The following SAMD5 variants were observed in gnomAD, a reference collection of about 807,000 sequenced individuals.
SAMD5 encodes sterile alpha motif domain-containing protein 5.
Under a neutral mutation model 11.3 loss-of-function variants are expected in SAMD5, and 13 were observed. The observed-to-expected ratio is 1.15, with a 90% CI of 0.75 to 1.83. The LOEUF (loss-of-function observed/expected upper bound fraction) is 1.83, where lower values mean the gene tolerates loss of function less well. SAMD5 is among the 40% of genes most tolerant of loss of function. The probability of loss-of-function intolerance (pLI) is 0.00; values close to 1 mark genes in which losing one functional copy is unlikely to be tolerated. For missense variants in SAMD5, 255 were observed against 239.1 expected (o/e 1.07, Z -0.44); for synonymous variants, 129 against 111.3 (o/e 1.16, Z -1.00).
chr6:147,850,395 T>C, the SAMD5 span, among the ~76,000 whole-genome samples: 1 of 152,158 alleles, frequency 6.6e-6, no homozygotes, highest in Non-Finnish European at 1.5e-5. Context: ...AAATTAAACT[T>C]ATATTACTTT....
At chr6:147,681,124 A>G (rs1359610744) in intron 1 of SAMD5, among the ~76,000 whole-genome samples, 1 of 152,092 alleles carries the variant, frequency 6.6e-6, no homozygotes, top group Non-Finnish European at 1.5e-5. Context: ...TTGGGCATGG[A>G]ATTTTATTTA....
intron 1 of SAMD5, among the ~76,000 whole-genome samples, chr6:147,646,878 C>T (rs140986226): frequency 0.034 from 5,189 of 151,572 alleles, 303 homozygotes; most frequent in African/African-American, 0.12. Context: ...TGGCTCATGC[C>T]TGTAATCCCA....
At chr6:147,801,419 G>C in the SAMD5 span, among the ~76,000 whole-genome samples, 1,874 of 152,138 alleles carry the variant, frequency 0.012, 48 homozygotes, top group African/African-American at 0.042. Context: ...AACAGAGATT[G>C]AAAACCCTGT....
chr6:147,626,936 T>C (rs1279767972), intron 1 of SAMD5, among the ~76,000 whole-genome samples: 2 of 152,206 alleles, frequency 1.3e-5, no homozygotes, highest in Admixed American at 6.5e-5. Flanking sequence ...GTTATTCTAT[T>C]CCTCTTCTTC....
At chr6:147,605,405 A>G (rs979110271) in intron 1 of SAMD5, among the ~76,000 whole-genome samples, 1 of 152,196 alleles carries the variant, frequency 6.6e-6, no homozygotes, top group African/African-American at 2.4e-5. Flanking sequence ...ATGAACCTCC[A>G]TACCTGGCCT....
intron 1 of SAMD5, among the ~76,000 whole-genome samples, chr6:147,686,918 A>G (rs1236442082): frequency 6.6e-6 from 1 of 152,124 alleles, no homozygotes; most frequent in African/African-American, 2.4e-5. Flanking sequence ...GTTCTGGGAT[A>G]CATGTGCCGA....
At chr6:147,789,678 G>C in the SAMD5 span, among the ~76,000 whole-genome samples, 1 of 152,020 alleles carries the variant, frequency 6.6e-6, no homozygotes, top group Non-Finnish European at 1.5e-5. Flanking sequence ...TTCTGTTCCA[G>C]GATCTCACCC....
chr6:147,854,260 A>C, the SAMD5 span, among the ~76,000 whole-genome samples: 3 of 152,314 alleles, frequency 2.0e-5, no homozygotes, highest in African/African-American at 7.2e-5. Context: ...GTTCTTGGGC[A>C]GGTAAGAAAG....
intron 1 of SAMD5, among the ~76,000 whole-genome samples, chr6:147,623,960 C>T (rs1790010507): frequency 6.6e-6 from 1 of 152,154 alleles, no homozygotes; most frequent in African/African-American, 2.4e-5. Context: ...ACCTCTGCCT[C>T]CCAGGTTCAA....
At chr6:147,834,703 C>A in the SAMD5 span, among the ~76,000 whole-genome samples, 1 of 152,196 alleles carries the variant, frequency 6.6e-6, no homozygotes, top group Non-Finnish European at 1.5e-5. Context: ...TTAGACAATA[C>A]AGTTTGGCCT....
chr6:147,810,891 AC>A, the SAMD5 span, among the ~76,000 whole-genome samples: 7 of 152,218 alleles, frequency 4.6e-5, no homozygotes, highest in African/African-American at 1.7e-4. Context: ...GTGTATTCAT[AC>A]ATAACATTCT....
the SAMD5 span, among the ~76,000 whole-genome samples, chr6:147,759,570 T>A: frequency 2.0e-5 from 3 of 150,198 alleles, no homozygotes; most frequent in East Asian, 5.8e-4. Flanking sequence ...GTATAACTTA[T>A]ACATATATTA....
At chr6:147,806,312 GCGCGCGCA>G in the SAMD5 span, among the ~76,000 whole-genome samples, 22 of 125,666 alleles carry the variant, frequency 1.8e-4, no homozygotes, top group African/African-American at 4.7e-4. Context: ...ATGCGCGCGC[GCGCGCGCA>G]CACACACACA....
intron 1 of SAMD5, among the ~76,000 whole-genome samples, chr6:147,639,415 A>G (rs1790277567): frequency 6.6e-6 from 1 of 152,244 alleles, no homozygotes; most frequent in Non-Finnish European, 1.5e-5. Context: ...TTTTCAATAC[A>G]CTTTGTGCAT....
chr6:147,656,718 TTGGAGAGGA>T (rs1425332231), intron 1 of SAMD5, among the ~76,000 whole-genome samples: 1 of 152,164 alleles, frequency 6.6e-6, no homozygotes, highest in African/African-American at 2.4e-5. Flanking sequence ...ATACATTCTG[TTGGAGAGGA>T]TGTAAGGAAA....
At chr6:147,816,998 G>A in the SAMD5 span, among the ~76,000 whole-genome samples, 4 of 152,104 alleles carry the variant, frequency 2.6e-5, no homozygotes, top group Admixed American at 2.6e-4. Context: ...TATCTGATCA[G>A]GTTAAAAAGA....
At chr6:147,542,032 T>C (rs1294507647) in intron 1 of SAMD5, among the ~76,000 whole-genome samples, 1 of 152,030 alleles carries the variant, frequency 6.6e-6, no homozygotes, top group Non-Finnish European at 1.5e-5. Context: ...CCTAGGATAC[T>C]CACCAATCCA....
the SAMD5 span, among the ~76,000 whole-genome samples, chr6:147,798,533 A>C: frequency 6.6e-6 from 1 of 151,516 alleles, no homozygotes; most frequent in Admixed American, 6.6e-5. Context: ...GCTGAAAAAA[A>C]TGTATATTCT....
the SAMD5 span, among the ~76,000 whole-genome samples, chr6:147,952,018 G>A: frequency 6.6e-6 from 1 of 152,142 alleles, no homozygotes; most frequent in African/African-American, 2.4e-5. Context: ...GTGTAATGAT[G>A]AAGCTAGAAA....
Sources: gnomAD v4.1 joint callset for allele counts (sites outside exome capture counted in the v4.1 genomes callset) on GRCh38, gnomAD v4.1.1 for gene constraint, MANE v1.5 for transcripts, NCBI Gene and HGNC (gene_info 2026-07-23, HGNC 2026-07-21) for gene names.